Variants in ANKRD30BL observed in about 807,000 individuals in gnomAD.
ANKRD30BL encodes the protein putative ankyrin repeat domain-containing protein 30B-like.
ANKRD30BL carries 20 observed loss-of-function variants against 18.4 expected under a neutral mutation model. That is an observed-to-expected ratio of 1.09 (90% CI 0.77 to 1.58). The LOEUF (loss-of-function observed/expected upper bound fraction) is 1.58, where lower values mean the gene tolerates loss of function less well. Among genes scored for constraint, ANKRD30BL ranks in the 40% most tolerant of loss-of-function variants. The pLI is 0.00. For missense variants in ANKRD30BL, 224 were observed against 268.6 expected, an observed-to-expected ratio of 0.83 and a Z score of 1.16; for synonymous variants, 72 against 100.9, an observed-to-expected ratio of 0.71 and a Z score of 1.72.
intron 5 of ANKRD30BL, among the ~76,000 whole-genome samples, chr2:132,149,314 T>C (rs1687695715): frequency 6.6e-6 from 1 of 151,462 alleles, no homozygotes; most frequent in Admixed American, 6.6e-5. Flanking sequence ...GAGTAACTTG[T>C]TGTAACAAAA....
chr2:132,222,093 C>G (rs1679706753), intron 1 of ANKRD30BL, among the ~76,000 whole-genome samples: 1 of 140,488 alleles, frequency 7.1e-6, no homozygotes, highest in Non-Finnish European at 1.5e-5. Context: ...GTCGGGGGGT[C>G]AGCCCCCCAC....
chr2:132,169,095 A>T (rs951147219), intron 1 of ANKRD30BL, among the ~76,000 whole-genome samples: 1 of 152,144 alleles, frequency 6.6e-6, no homozygotes, highest in African/African-American at 2.4e-5. Flanking sequence ...ATTTTTGCCC[A>T]ACTGAAATTA....
chr2:132,235,746 G>GA (rs1680135768), intron 1 of ANKRD30BL, among the ~76,000 whole-genome samples: 2 of 152,038 alleles, frequency 1.3e-5, no homozygotes, highest in Admixed American at 6.6e-5. Flanking sequence ...TCAATATCAT[G>GA]AAAATGGCCA....
chr2:132,157,780 T>G (rs766882357), intron 1 of ANKRD30BL, among the ~76,000 whole-genome samples: 2 of 152,168 alleles, frequency 1.3e-5, no homozygotes, highest in Non-Finnish European at 2.9e-5. Context: ...CTGTGATGCC[T>G]CATGAGAATA....
At chr2:132,244,931 T>C (rs1238216920) in intron 1 of ANKRD30BL, among the ~76,000 whole-genome samples, 10 of 152,244 alleles carry the variant, frequency 6.6e-5, no homozygotes, top group African/African-American at 2.4e-4. Flanking sequence ...GGAAATATCT[T>C]CCCATAAAAA....
At chr2:132,232,154 G>A (rs1180188561) in intron 1 of ANKRD30BL, among the ~76,000 whole-genome samples, 1 of 152,150 alleles carries the variant, frequency 6.6e-6, no homozygotes, top group Non-Finnish European at 1.5e-5. Flanking sequence ...CTAACAAACA[G>A]AAAGGACATC....
At chr2:132,248,084 A>C (rs563053348) in intron 1 of ANKRD30BL, among the ~76,000 whole-genome samples, 4 of 152,218 alleles carry the variant, frequency 2.6e-5, no homozygotes, top group African/African-American at 9.6e-5. Context: ...GCATCTGTCT[A>C]GTTATTATGT....
chr2:132,207,604 C>T (rs577261840), intron 1 of ANKRD30BL, among the ~76,000 whole-genome samples: 1 of 152,144 alleles, frequency 6.6e-6, no homozygotes, highest in East Asian at 1.9e-4. Flanking sequence ...AGGGGTGACC[C>T]TTTGACAGCA....
intron 1 of ANKRD30BL, among the ~76,000 whole-genome samples, chr2:132,230,139 T>C (rs1199096411): frequency 6.6e-6 from 1 of 152,040 alleles, no homozygotes; most frequent in Non-Finnish European, 1.5e-5. Context: ...TATCTTCCCA[T>C]AAAAAATAGA....
intron 1 of ANKRD30BL, among the ~76,000 whole-genome samples, chr2:132,225,347 T>C (rs1679815464): frequency 6.6e-6 from 1 of 152,100 alleles, no homozygotes; most frequent in Non-Finnish European, 1.5e-5. Flanking sequence ...GAGAGAAGCA[T>C]TCTCAGAAAC....
At chr2:132,218,509 G>A (rs111895129) in intron 1 of ANKRD30BL, among the ~76,000 whole-genome samples, 1 of 152,228 alleles carries the variant, frequency 6.6e-6, no homozygotes, top group Non-Finnish European at 1.5e-5. Flanking sequence ...TTTGTGATGT[G>A]TGCATTCAAC....
At chr2:132,198,276 C>CT (rs1220455481) in intron 1 of ANKRD30BL, among the ~76,000 whole-genome samples, 21 of 34,120 alleles carry the variant, frequency 6.2e-4, no homozygotes, top group Admixed American at 3.3e-3. Flanking sequence ...TCTTTTCTTT[C>CT]TTTCTTTCTT....
At chr2:132,188,666 C>T (rs144196789) in intron 1 of ANKRD30BL, among the ~76,000 whole-genome samples, 4,810 of 152,118 alleles carry the variant, frequency 0.032, 94 homozygotes, top group Non-Finnish European at 0.048. Context: ...GCCAAGATCA[C>T]GCCACTGCAC....
intron 1 of ANKRD30BL, among the ~76,000 whole-genome samples, chr2:132,222,006 C>T (rs1312221700): frequency 7.1e-6 from 1 of 139,880 alleles, no homozygotes; most frequent in Non-Finnish European, 1.6e-5. Flanking sequence ...AGTGAGGAGC[C>T]CCTCTGCCCG....
At chr2:132,222,208 T>C (rs372407295) in intron 1 of ANKRD30BL, among the ~76,000 whole-genome samples, 1 of 123,648 alleles carries the variant, frequency 8.1e-6, no homozygotes, top group Non-Finnish European at 1.7e-5. Flanking sequence ...TCCGGGAGGG[T>C]GGTGGGGGGG....
rs542402176 is a variant in ANKRD30BL at position 132,222,403 on chromosome 2, G to A, written n.441+35126C>T. Among the ~76,000 whole-genome samples the A allele has an allele frequency of 1.6e-4, 24 of 152,084 alleles. No homozygotes were observed. The East Asian group carries it at 3.5e-3, about 22-fold the overall frequency. ...TTTTGTGGAATAGAAAGGCGGGAAG[G>A]TTGGGGAAAAAATTGAGAAATCGGA... On this transcript the variant is annotated intron_variant and non_coding_transcript_variant, in intron 1 of 4. Coordinates refer to the ANKRD30BL transcript ENST00000470729.
chr2:132,227,188 G>A (rs887787512), intron 1 of ANKRD30BL, among the ~76,000 whole-genome samples: 18 of 152,008 alleles, frequency 1.2e-4, no homozygotes, highest in East Asian at 3.9e-4. Flanking sequence ...TGAGGCCTTC[G>A]TTGGAAACGG....
intron 1 of ANKRD30BL, among the ~76,000 whole-genome samples, chr2:132,256,569 G>A (rs1359673116): frequency 6.6e-6 from 1 of 152,238 alleles, no homozygotes; most frequent in Non-Finnish European, 1.5e-5. Flanking sequence ...GCATGAAGGC[G>A]GCCCCTCGCG....
chr2:132,187,236 C>T lies in ANKRD30BL; in HGVS notation n.442-30090G>A, dbSNP rs1688581989. Among the ~76,000 whole-genome samples the T allele has an allele frequency of 2.5e-5, 3 of 120,618 alleles. No individual in the cohort carries two copies. The South Asian group carries it at 8.2e-4, about 33-fold the overall frequency. 79.1% of individuals were successfully genotyped at this position (120,618 alleles called of 152,430 possible). On this transcript the variant is annotated intron_variant and non_coding_transcript_variant, in intron 1 of 4. Transcript: ENST00000470729. ...AGAGACAGAGTCTTGTTTTGTAGAG[C>T]AGGCTGGAGTGGAGTGGCGTGATCT... is the stretch of plus-strand genomic sequence containing the variant.
Sources: allele counts gnomAD v4.1 joint callset (sites outside exome capture counted in the v4.1 genomes callset), GRCh38; gene constraint gnomAD v4.1.1; transcripts MANE v1.5; gene names NCBI Gene and HGNC (gene_info 2026-07-23, HGNC 2026-07-21).